The following SLC26A5 variants were observed in gnomAD, a reference collection of about 807,000 sequenced individuals.
SLC26A5 encodes the protein prestin.
In SLC26A5, 51 loss-of-function variants were observed where a neutral mutation model predicts 81.0. That is an observed-to-expected ratio of 0.63 (90% CI 0.50 to 0.80). The LOEUF (loss-of-function observed/expected upper bound fraction) is 0.80, where lower values mean the gene tolerates loss of function less well. SLC26A5 is among the 30% of genes least tolerant of loss of function. SLC26A5 has a pLI of 0.00. For synonymous variants in SLC26A5, 325 were observed against 332.8 expected (o/e 0.98, Z 0.25); for missense variants, 771 against 905.8 (o/e 0.85, Z 1.91).
chr7:103,436,673 G>T (rs140260205), intron 2 of SLC26A5, among the ~76,000 whole-genome samples: 8 of 152,260 alleles, frequency 5.3e-5, no homozygotes, highest in African/African-American at 1.2e-4. Flanking sequence ...GTTGGGTAGG[G>T]CTTCCATTTA....
intron 8 of SLC26A5, among the ~76,000 whole-genome samples, chr7:103,400,622 T>C (rs889047953): frequency 1.3e-5 from 2 of 152,236 alleles, no homozygotes; most frequent in Non-Finnish European, 2.9e-5. Context: ...TTTGGTGTTT[T>C]AGTCATGAAG....
chr7:103,379,311 T>C lies in SLC26A5; in HGVS notation c.1609A>G (p.Ile537Val), dbSNP rs1563515086. 3 of 1,608,260 alleles carry C rather than the reference T, an allele frequency of 1.9e-6. No individual in the cohort carries two copies. The highest frequency in any genetic ancestry group is 1.3e-5 in the African/African-American group (1 of 74,882). ...EEVKEIPGIK[I>V]FQINAPIYYA... is the part of the protein sequence containing the mutation. ...TAAATTGGTGCATTTATTTGAAATA[T>C]TTTTATTCCAGGAATTTCTTTCACC... Residue 537 changes from isoleucine to valine, a missense_variant, in exon 16 of 20, where the codon ATA becomes GTA. Transcript: ENST00000306312.
At position 103,416,950 on chromosome 7, in the gene SLC26A5, G is replaced by T. The variant is rs374215179; in HGVS notation, c.292+3788C>A. ...TAGATCTCTATCTTTGCTACATTTT[G>T]TTTTTCATATTTATCTATCTTCATT... On this transcript the variant is annotated intron_variant, in intron 4 of 19. Transcript: ENST00000306312. 3.3e-5 allele frequency among the ~76,000 whole-genome samples: 5 copies of T among 152,016 alleles called. No homozygotes were observed. The East Asian group carries it at 5.8e-4, about 18-fold the overall frequency.
At chr7:103,411,801 T>A (rs1414950839) in intron 5 of SLC26A5, among the ~76,000 whole-genome samples, 1 of 152,230 alleles carries the variant, frequency 6.6e-6, no homozygotes, top group East Asian at 1.9e-4. Context: ...CATAGCAATA[T>A]CTTCCATCCA....
At chr7:103,422,777 A>T (rs1825447414) in intron 2 of SLC26A5, among the ~76,000 whole-genome samples, 1 of 152,222 alleles carries the variant, frequency 6.6e-6, no homozygotes, top group Non-Finnish European at 1.5e-5. Flanking sequence ...ATAATAAAAT[A>T]TTAAATGCAC....
intron 19 of SLC26A5, chr7:103,362,458 C>A: frequency 7.3e-7 from 1 of 1,372,692 alleles, no homozygotes. Flanking sequence ...AAAAAAATCT[C>A]CCCTCCCTCC....
intron 11 of SLC26A5, among the ~76,000 whole-genome samples, chr7:103,391,147 G>A (rs1217656249): frequency 6.6e-6 from 1 of 152,184 alleles, no homozygotes; most frequent in East Asian, 1.9e-4. Context: ...ACAGGCATGA[G>A]CTACCGCACT....
intron 14 of SLC26A5, among the ~76,000 whole-genome samples, chr7:103,382,009 C>T (rs190128711): frequency 2.0e-5 from 3 of 152,156 alleles, no homozygotes; most frequent in East Asian, 3.9e-4. Flanking sequence ...ACCTCCCCTC[C>T]CCCCAACACC....
chr7:103,379,642 G>A (rs1434567253), intron 15 of SLC26A5, among the ~76,000 whole-genome samples: 1 of 152,082 alleles, frequency 6.6e-6, no homozygotes, highest in Non-Finnish European at 1.5e-5. Context: ...ACACAAAGAA[G>A]AAACTGAAAA....
At chr7:103,416,122 T>C (rs975704929) in intron 4 of SLC26A5, among the ~76,000 whole-genome samples, 1 of 152,262 alleles carries the variant, frequency 6.6e-6, no homozygotes, top group African/African-American at 2.4e-5. Flanking sequence ...TTTTGTTTCA[T>C]AGATTCAATG....
rs770314412 is a variant in SLC26A5 at position 103,410,484 on chromosome 7, C to A, written c.636G>T (p.Gly212=). 6.8e-6 allele frequency: 11 copies of A among 1,614,026 alleles called. No individual in the cohort carries two copies. Among genetic ancestry groups the A allele is most frequent in the Middle Eastern group, 1.7e-4 (1 of 6,060 alleles). The change falls in exon 7 of 20, where the codon GGG becomes GGT. Residue 212 remains glycine, a synonymous_variant. Coordinates refer to ENST00000306312, the MANE Select transcript of SLC26A5 (RefSeq NM_198999.3). ...AIYLTEPLVR[G]FTTAAAVHVF... The stretch of plus-strand genomic sequence containing the variant: ...CATGCACAGCTGCTGCGGTGGTAAA[C>A]CCACGGACCAGAGGCTCTGTGAGAT...
chr7:103,370,855 T>A (rs1448546936), downstream of SLC26A5, among the ~76,000 whole-genome samples: 3 of 152,236 alleles, frequency 2.0e-5, no homozygotes, highest in Non-Finnish European at 4.4e-5. Flanking sequence ...GACTTTTCTT[T>A]ATGGGACCTT....
In SLC26A5 at chr7:103,355,577, TG is replaced by T; in HGVS notation, c.2042-2652del. 1.5e-5 allele frequency: 11 copies of T among 746,634 alleles called. 1 individual carries two copies. In the South Asian group the frequency reaches 1.8e-4, roughly 12 times the overall value. The allele number at this position is 746,634 out of a possible 1,614,324, so 46.3% of individuals were successfully genotyped here. A position where few individuals can be genotyped will look rare whatever the true frequency, so the allele number is the denominator to read the frequency against. On this transcript the variant is annotated intron_variant, in intron 19 of 19. Transcript: ENST00000339444. ...GCTACTAAACAGTCTATAATGCACATGATAGTCCTCACAATGAATGATTCAG... is the reference window on the plus strand; with the variant it reads ...GCTACTAAACAGTCTATAATGCACATATAGTCCTCACAATGAATGATTCAG...
intron 2 of SLC26A5, among the ~76,000 whole-genome samples, chr7:103,426,078 T>C (rs1407239117): frequency 1.3e-5 from 2 of 152,196 alleles, no homozygotes; most frequent in Non-Finnish European, 2.9e-5. Context: ...TATCTTTACT[T>C]ATGTGTGTCT....
At chr7:103,423,229 G>A (rs1436012549) in intron 2 of SLC26A5, among the ~76,000 whole-genome samples, 16 of 152,098 alleles carry the variant, frequency 1.1e-4, no homozygotes, top group African/African-American at 3.1e-4. Flanking sequence ...CTGAGATCGC[G>A]CCATTGTACT....
chr7:103,442,494 G>A (rs1826956849), intron 2 of SLC26A5, among the ~76,000 whole-genome samples: 1 of 152,092 alleles, frequency 6.6e-6, no homozygotes, highest in African/African-American at 2.4e-5. Flanking sequence ...GAGGGGACAG[G>A]TCTTTTTCAA....
chr7:103,362,662 T>C (rs1469158348), intron 19 of SLC26A5: 1 of 1,566,784 alleles, frequency 6.4e-7, no homozygotes, highest in Non-Finnish European at 8.8e-7. Context: ...AATGTATTAA[T>C]GACTATCTTT....
At chr7:103,438,855 C>T (rs917801060) in intron 2 of SLC26A5, among the ~76,000 whole-genome samples, 1 of 152,102 alleles carries the variant, frequency 6.6e-6, no homozygotes, top group Non-Finnish European at 1.5e-5. Flanking sequence ...TATTCTAGAA[C>T]TTCATCAGGA....
chr7:103,370,006 G>C (rs993045630), downstream of SLC26A5, among the ~76,000 whole-genome samples: 1 of 152,176 alleles, frequency 6.6e-6, no homozygotes, highest in Admixed American at 6.5e-5. Flanking sequence ...TCACTAAGCA[G>C]GCACGTTACC....
Sources: allele counts gnomAD v4.1 joint callset (sites outside exome capture counted in the v4.1 genomes callset), GRCh38; gene constraint gnomAD v4.1.1; transcripts MANE v1.5; gene names NCBI Gene and HGNC (gene_info 2026-07-23, HGNC 2026-07-21).